The following SLAMF6 variants were observed in gnomAD, a reference collection of about 807,000 sequenced individuals.
SLAMF6 encodes the protein NK-T-B-antigen.
Under a neutral mutation model 38.3 loss-of-function variants are expected in SLAMF6, and 21 were observed. The observed-to-expected ratio is 0.55, with a 90% confidence interval of 0.39 to 0.79. The LOEUF is 0.79. SLAMF6 is among the 30% of genes least tolerant of loss of function. SLAMF6 has a pLI of 0.00. For synonymous variants in SLAMF6, 152 were observed against 146.3 expected (o/e 1.04, Z -0.28); for missense variants, 341 against 385.3 (o/e 0.89, Z 0.96).
intron 4 of SLAMF6, 45 bp from the exon 5 acceptor site, chr1:160,490,281 AGAGGCAT>A (rs776832182): frequency 6.2e-7 from 1 of 1,612,188 alleles, no homozygotes; most frequent in South Asian, 1.1e-5. Context: ...CAGCAGTGGG[AGAGGCAT>A]TTCACCCCTA....
rs1473223867 is a variant in SLAMF6 at position 160,485,850 on chromosome 1, T to C, written c.*857A>G. On this transcript the variant is annotated 3_prime_UTR_variant, in exon 8 of 8. Coordinates refer to ENST00000368057, the MANE Select transcript of SLAMF6 (RefSeq NM_001184714.2). The stretch of plus-strand genomic sequence containing the variant: ...AAGTGGAAGGTCCAAGAAATATTTC[T>C]GAGGTAGAGTCCAAAGGGCCTGGTG... 1 of 152,698 alleles carries C rather than the reference T, an allele frequency of 6.5e-6. No individual in the cohort carries two copies. Among genetic ancestry groups the C allele is most frequent in the East Asian group, 1.9e-4 (1 of 5,196 alleles). The allele number at this position is 152,698 out of a possible 1,614,324, so 9.5% of individuals were successfully genotyped here.
chr1:160,505,008 C>G (rs977853796), intron 1 of SLAMF6, among the ~76,000 whole-genome samples: 1 of 152,216 alleles, frequency 6.6e-6, no homozygotes, highest in African/African-American at 2.4e-5. Flanking sequence ...CAGAGCCAAT[C>G]TGCAAAGACA....
chr1:160,518,329 AT>A (rs1654835866), intron 1 of SLAMF6, among the ~76,000 whole-genome samples: 2 of 152,240 alleles, frequency 1.3e-5, no homozygotes, highest in Admixed American at 1.3e-4. Flanking sequence ...TAGTTCAACT[AT>A]TCTGGAAGAC....
chr1:160,523,127 T>G lies in SLAMF6; in HGVS notation c.49+17A>C, dbSNP rs751409075. The G allele has an allele frequency of 6.2e-7, 1 of 1,613,576 alleles. No individual in the cohort carries two copies. The highest frequency in any genetic ancestry group is 1.1e-5 in the South Asian group (1 of 91,002). ...GGGAGTCACTCAGTGACTACACCGATCTGGATTGACATTTACCTGGGCCAA... is the reference window on the plus strand; with the variant it reads ...GGGAGTCACTCAGTGACTACACCGAGCTGGATTGACATTTACCTGGGCCAA... On this transcript the variant is annotated intron_variant, in intron 1 of 7. Coordinates refer to ENST00000368057, the MANE Select transcript of SLAMF6 (RefSeq NM_001184714.2).
intron 3 of SLAMF6, 163 bp downstream of exon 3, chr1:160,490,962 C>A (rs1653257611): frequency 5.2e-6 from 5 of 966,020 alleles, no homozygotes; most frequent in Non-Finnish European, 7.7e-6. Flanking sequence ...AAGGAGAGTC[C>A]TCTGGGAGTA....
At chr1:160,500,039 G>T (rs973641048) in intron 1 of SLAMF6, among the ~76,000 whole-genome samples, 2 of 152,210 alleles carry the variant, frequency 1.3e-5, no homozygotes, top group African/African-American at 4.8e-5. Context: ...TATGCTGTCA[G>T]AAGTCAAGAG....
At chr1:160,520,926 C>T (rs541587083) in intron 1 of SLAMF6, among the ~76,000 whole-genome samples, 1 of 152,306 alleles carries the variant, frequency 6.6e-6, no homozygotes, top group African/African-American at 2.4e-5. Context: ...CTAAAATCTT[C>T]TTCATTTGAC....
intron 2 of SLAMF6, among the ~76,000 whole-genome samples, chr1:160,494,563 AT>A (rs1653471932): frequency 6.6e-6 from 1 of 152,178 alleles, no homozygotes; most frequent in South Asian, 2.1e-4. Flanking sequence ...TGCAGATGGA[AT>A]TATGTTATAT....
intron 1 of SLAMF6, among the ~76,000 whole-genome samples, chr1:160,508,757 C>G (rs1344108392): frequency 6.6e-6 from 1 of 151,916 alleles, no homozygotes; most frequent in African/African-American, 2.4e-5. Context: ...TGCAATCTAC[C>G]CATCTGACCA....
At chr1:160,499,105 C>T (rs1294329889) in intron 1 of SLAMF6, among the ~76,000 whole-genome samples, 1 of 152,108 alleles carries the variant, frequency 6.6e-6, no homozygotes, top group African/African-American at 2.4e-5. Flanking sequence ...GTTGCAATTG[C>T]TTTTGGGGAC....
chr1:160,517,467 C>A (rs1409505065), intron 1 of SLAMF6, among the ~76,000 whole-genome samples: 2 of 152,074 alleles, frequency 1.3e-5, no homozygotes, highest in African/African-American at 2.4e-5. Context: ...GATCTAGAAC[C>A]AGAAATACCA....
At chr1:160,522,250 T>C (rs1171317123) in intron 1 of SLAMF6, among the ~76,000 whole-genome samples, 1 of 152,242 alleles carries the variant, frequency 6.6e-6, no homozygotes, top group Non-Finnish European at 1.5e-5. Flanking sequence ...CAGTTCTTCA[T>C]TTTAAAATGG....
intron 2 of SLAMF6, among the ~76,000 whole-genome samples, chr1:160,491,680 T>C (rs1020979256): frequency 6.6e-6 from 1 of 152,128 alleles, no homozygotes; most frequent in African/African-American, 2.4e-5. Context: ...TATTTTATAT[T>C]TCTGGTCTCC....
At chr1:160,493,825 G>A (rs1653426546) in intron 2 of SLAMF6, among the ~76,000 whole-genome samples, 1 of 152,124 alleles carries the variant, frequency 6.6e-6, no homozygotes, top group Non-Finnish European at 1.5e-5. Flanking sequence ...AGGGCAAGGG[G>A]AAGCAAGTCA....
rs1478978558 is a variant in SLAMF6 at position 160,491,221 on chromosome 1, C to T, written c.550G>A (p.Asp184Asn). 2.5e-6 allele frequency: 4 copies of T among 1,613,894 alleles called. No individual in the cohort carries two copies. Among genetic ancestry groups the T allele is most frequent in the South Asian group, 1.1e-5 (1 of 91,070 alleles). The change falls in exon 3 of 8, where the codon GAC (aspartate) becomes AAC (asparagine). Residue 184 changes from aspartate to asparagine, a missense_variant. Asp to Asn is a conservative substitution (Grantham distance 23). Coordinates refer to ENST00000368057, the MANE Select transcript of SLAMF6 (RefSeq NM_001184714.2). ...TCCTGTTCACTGGAAATCCTGGGGT[C>T]CCAGGAGACAGTGAGGTTTGGCTGA... is the stretch of plus-strand genomic sequence containing the variant. ...SSQPNLTVSW[D>N]PRISSEQDYT...
chr1:160,517,362 G>A (rs1292616794), intron 1 of SLAMF6, among the ~76,000 whole-genome samples: 1 of 152,162 alleles, frequency 6.6e-6, no homozygotes, highest in Non-Finnish European at 1.5e-5. Context: ...AACAACAGAT[G>A]CTTGTGAGGT....
intron 2 of SLAMF6, among the ~76,000 whole-genome samples, chr1:160,493,731 G>C (rs904197110): frequency 6.6e-6 from 1 of 152,264 alleles, no homozygotes; most frequent in Non-Finnish European, 1.5e-5. Flanking sequence ...CTCAAGACTA[G>C]GTACTTTATA....
chr1:160,489,142 A>C lies in SLAMF6; in HGVS notation c.825T>G (p.Val275=). 1 of 1,613,940 alleles carries C rather than the reference A, an allele frequency of 6.2e-7. No individual in the cohort carries two copies. The highest frequency in any genetic ancestry group is 8.5e-7 in the Non-Finnish European group (1 of 1,179,866). Residue 275 remains valine, a synonymous_variant, in exon 6 of 8, where the codon GTT becomes GTG. Coordinates refer to ENST00000368057, the MANE Select transcript of SLAMF6 (RefSeq NM_001184714.2). The part of the protein sequence containing the change: ...PAESARNLEY[V]SVSPTNNTVY... ...CAGTGTTGTTCGTTGGAGACACTGA[A>C]ACATACTCTAGGTTCCTTGCGGACT...
At chr1:160,513,479 C>G (rs116402510) in intron 1 of SLAMF6, among the ~76,000 whole-genome samples, 1,834 of 152,250 alleles carry the variant, frequency 0.012, 19 homozygotes, top group Non-Finnish European at 0.018. Flanking sequence ...CCTAGCAAGA[C>G]AGGCCAACAT....
Sources: gnomAD v4.1 joint callset for allele counts (sites outside exome capture counted in the v4.1 genomes callset) on GRCh38, gnomAD v4.1.1 for gene constraint, MANE v1.5 for transcripts, NCBI Gene and HGNC (gene_info 2026-07-23, HGNC 2026-07-21) for gene names.